The following PCSK9 variants were observed in gnomAD, a reference collection of about 807,000 sequenced individuals.
PCSK9 encodes the protein convertase subtilisin/kexin type 9 preproprotein.
A neutral mutation model predicts 62.1 loss-of-function variants in PCSK9; 57 were observed. The observed-to-expected ratio is 0.92, with a 90% confidence interval of 0.74 to 1.14. PCSK9 has a LOEUF of 1.14. PCSK9 is among the 50% of genes most tolerant of loss of function. The pLI is 0.00. For missense variants in PCSK9, 870 were observed against 959.8 expected (o/e 0.91, Z 1.24); for synonymous variants, 387 against 409.4 (o/e 0.95, Z 0.66).
intron 11 of PCSK9, among the ~76,000 whole-genome samples, chr1:55,062,467 T>C (rs554546729): frequency 4.1e-4 from 62 of 152,336 alleles, no homozygotes; most frequent in African/African-American, 1.4e-3. Context: ...TTCTCCCTCC[T>C]GGAGCATCTA....
At chr1:55,047,393 G>A (rs918536804) in intron 3 of PCSK9, among the ~76,000 whole-genome samples, 8 of 152,286 alleles carry the variant, frequency 5.3e-5, no homozygotes, top group Middle Eastern at 3.4e-3. Flanking sequence ...CAATGTGGTG[G>A]GTCCATGCAA....
chr1:55,055,847 G>T, intron 5 of PCSK9, 146 bp from the exon 6 acceptor site: 1 of 727,612 alleles, frequency 1.4e-6, no homozygotes, highest in Non-Finnish European at 2.2e-6. Flanking sequence ...AAATATTTTC[G>T]CAGCAGCATT....
At chr1:55,050,673 T>G in intron 3 of PCSK9, among the ~76,000 whole-genome samples, 1 of 151,042 alleles carries the variant, frequency 6.6e-6, no homozygotes, top group African/African-American at 2.4e-5. Context: ...GTTCGGACTG[T>G]GCCCAGACCT....
chr1:55,058,468 A>G, intron 8 of PCSK9, 31 bp from the exon 9 acceptor site: 1 of 1,611,664 alleles, frequency 6.2e-7, no homozygotes, highest in Non-Finnish European at 8.5e-7. Context: ...CACTCCCAGC[A>G]CCCCCTCCTC....
In PCSK9 at chr1:55,052,283, G is replaced by T. The variant is rs778157885; in HGVS notation, c.529G>T (p.Gly177Cys). The change falls in exon 4 of 12, where the codon GGC (glycine) becomes TGC (cysteine). Residue 177 changes from glycine (G) to cysteine (C), a missense_variant. Coordinates refer to ENST00000302118, the MANE Select transcript of PCSK9 (RefSeq NM_174936.4). Reference sequence around the variant, plus strand: ...ACAAATGTCGCCTTGGAAAGACGGAGGCAGCCTGGTGGAGGTGTATCTCCT... The same window carrying T: ...ACAAATGTCGCCTTGGAAAGACGGATGCAGCCTGGTGGAGGTGTATCTCCT... The part of the protein sequence containing the change: ...RADEYQPPDG[G>C]SLVEVYLLDT... The T allele has an allele frequency of 1.9e-6, 3 of 1,613,908 alleles. No individual in the cohort carries two copies. The African/African-American group carries it at 4.0e-5, about 22-fold the overall frequency.
rs1395678130 is a variant in PCSK9, at chr1:55,061,451, C to T, written c.1758C>T (p.Asn586=). Reference sequence around the variant, plus strand: ...TGCTGAGGCCACGAGGTCAGCCCAACCAGTGCGTGGGCCACAGGGAGGCCA... The same window carrying T: ...TGCTGAGGCCACGAGGTCAGCCCAATCAGTGCGTGGGCCACAGGGAGGCCA... The part of the protein sequence containing the change: ...PPVLRPRGQP[N]QCVGHREASI... The change falls in exon 11 of 12, where the codon AAC becomes AAT. Residue 586 remains asparagine, a synonymous_variant. Coordinates refer to ENST00000302118, the MANE Select transcript of PCSK9 (RefSeq NM_174936.4). The T allele has an allele frequency of 6.2e-7, 1 of 1,609,064 alleles. No individual in the cohort carries two copies. The highest frequency in any genetic ancestry group is 8.5e-7 in the Non-Finnish European group (1 of 1,178,530).
At chr1:55,050,456 A>G (rs1439391358) in intron 3 of PCSK9, among the ~76,000 whole-genome samples, 1 of 152,222 alleles carries the variant, frequency 6.6e-6, no homozygotes, top group East Asian at 1.9e-4. Context: ...GTAGATGCCT[A>G]TTGATGAGTG....
Position 55,055,999 on chromosome 1 carries a change from A to G in PCSK9, c.806A>G (p.Glu269Gly). The change falls in exon 6 of 12, where the codon GAG becomes GGG. Residue 269 changes from glutamate (E) to glycine (G), a missense_variant. Transcript: ENST00000302118. ...GTVSGTLIGL[E>G]FIRKSQLVQP... ...TTGGCTTTGTTCCTCCCAGGCCTGGAGTTTATTCGGAAAAGCCAGCTGGTC... is the reference window on the plus strand; with the variant it reads ...TTGGCTTTGTTCCTCCCAGGCCTGGGGTTTATTCGGAAAAGCCAGCTGGTC... 1 of 1,609,116 alleles carries G rather than the reference A, an allele frequency of 6.2e-7. No individual in the cohort carries two copies. Among genetic ancestry groups the G allele is most frequent in the Non-Finnish European group, 8.5e-7 (1 of 1,177,320 alleles).
intron 2 of PCSK9, among the ~76,000 whole-genome samples, chr1:55,045,645 G>A (rs1029132352): frequency 1.3e-5 from 2 of 152,008 alleles, no homozygotes; most frequent in Non-Finnish European, 2.9e-5. Context: ...AGGGTTCACC[G>A]CTGCCATGCG....
chr1:55,059,386 G>A, intron 9 of PCSK9, 100 bp from the exon 10 acceptor site: 2 of 1,447,762 alleles, frequency 1.4e-6, no homozygotes, highest in South Asian at 1.2e-5. Context: ...CCCCTGGCAG[G>A]GACACTGATG....
chr1:55,061,509 C>G lies in PCSK9; in HGVS notation c.1816C>G (p.Leu606Val), dbSNP rs1159691514. The part of the protein sequence containing the change: ...IHASCCHAPG[L>V]ECKVKEHGIP... ...CGCTTCCTGCTGCCATGCCCCAGGT[C>G]TGGAATGCAAAGTCAAGGAGCATGG... is the stretch of plus-strand genomic sequence containing the variant. The change falls in exon 11 of 12, where the codon CTG becomes GTG. Residue 606 changes from leucine (L) to valine (V), a missense_variant. Coordinates refer to ENST00000302118, the MANE Select transcript of PCSK9 (RefSeq NM_174936.4). 6.2e-7 allele frequency: 1 copy of G among 1,605,238 alleles called. No individual in the cohort carries two copies. The highest frequency in any genetic ancestry group is 1.1e-5 in the South Asian group (1 of 88,766).
At chr1:55,045,697 C>A (rs1211006742) in intron 2 of PCSK9, among the ~76,000 whole-genome samples, 1 of 142,598 alleles carries the variant, frequency 7.0e-6, no homozygotes, top group African/African-American at 2.8e-5. Flanking sequence ...CAGATGCACA[C>A]CATTTTTTTT....
chr1:55,063,411 A>T lies in PCSK9; in HGVS notation c.1906A>T (p.Ser636Cys). Residue 636 changes from serine to cysteine, a missense_variant, in exon 12 of 12, where the codon AGT (serine) becomes TGT (cysteine). Physicochemically the swap from Ser to Cys is moderately radical, Grantham distance 112. Transcript: ENST00000302118. ...CEEGWTLTGC[S>C]ALPGTSHVLG... ...GGAGGGCTGGACCCTGACTGGCTGC[A>T]GTGCCCTCCCTGGGACCTCCCACGT... The T allele has an allele frequency of 6.2e-7, 1 of 1,613,868 alleles. No homozygotes were observed. The highest frequency in any genetic ancestry group is 8.5e-7 in the Non-Finnish European group (1 of 1,179,936).
In PCSK9 at chr1:55,040,074, G is replaced by A. The variant is rs753695505; in HGVS notation, c.207+30G>A. On this transcript the variant is annotated intron_variant, in intron 1 of 11. Transcript: ENST00000302118. This position sits in a 1 kb window ranked among gnomAD's most constrained non-coding sequence, Gnocchi z 4.1. ...GGGTGTAGGGATGGGAGGCCGGGGC[G>A]AACCCGCAGCCGGGACGGTGCGGTG... The A allele has an allele frequency of 3.9e-6, 6 of 1,547,248 alleles. No individual in the cohort carries two copies. The highest frequency in any genetic ancestry group is 2.2e-4 in the Middle Eastern group (1 of 4,474).
At chr1:55,053,971 G>A (rs905407722) in intron 5 of PCSK9, among the ~76,000 whole-genome samples, 18 of 152,272 alleles carry the variant, frequency 1.2e-4, no homozygotes, top group East Asian at 3.9e-4. Context: ...GACCTGGCAC[G>A]GGGCAGGGGC....
chr1:55,063,513 G>A lies in PCSK9; in HGVS notation c.2008G>A (p.Gly670Arg). The A allele has an allele frequency of 6.2e-7, 1 of 1,613,946 alleles. No individual in the cohort carries two copies. Among genetic ancestry groups the A allele is most frequent in the Non-Finnish European group, 8.5e-7 (1 of 1,179,890 alleles). Residue 670 changes from glycine to arginine, a missense_variant, in exon 12 of 12, where the codon GGG (glycine) becomes AGG (arginine). Physicochemically the swap from Gly to Arg is moderately radical, Grantham distance 125. Coordinates refer to ENST00000302118, the MANE Select transcript of PCSK9 (RefSeq NM_174936.4). ...DVSTTGSTSE[G>R]AVTAVAICCR... Reference sequence around the variant, plus strand: ...CAGCACTACAGGCAGCACCAGCGAAGGGGCCGTGACAGCCGTTGCCATCTG... The same window carrying A: ...CAGCACTACAGGCAGCACCAGCGAAAGGGCCGTGACAGCCGTTGCCATCTG...
At chr1:55,056,410 A>C (rs45598138) in intron 6 of PCSK9, among the ~76,000 whole-genome samples, 10,475 of 152,158 alleles carry the variant, frequency 0.069, 445 homozygotes, top group Middle Eastern at 0.17. Flanking sequence ...GCAGAGTCTG[A>C]ATAGCAGTGG....
rs1644686162 is a variant in PCSK9 at position 55,052,849 on chromosome 1, C to T, written c.799+58C>T. ...CATCTGGACCTGGCCTGGGAGGTGG[C>T]TTGGGCTGGGCCCAGGGAGAGCTAA... On this transcript the variant is annotated intron_variant, in intron 5 of 11. Coordinates refer to ENST00000302118, the MANE Select transcript of PCSK9 (RefSeq NM_174936.4). 1.9e-6 allele frequency: 3 copies of T among 1,611,588 alleles called. No individual in the cohort carries two copies. The East Asian group carries it at 6.7e-5, about 36-fold the overall frequency.
In PCSK9 at chr1:55,040,253, C is replaced by T. The variant is rs11583723; in HGVS notation, c.207+209C>T. Among the ~76,000 whole-genome samples, 14,898 of 152,098 alleles carry T rather than the reference C, an allele frequency of 0.098. 896 individuals carry two copies. The highest frequency in any genetic ancestry group is 0.15 in the South Asian group (722 of 4,814). On this transcript the variant is annotated intron_variant, in intron 1 of 11. Coordinates refer to ENST00000302118, the MANE Select transcript of PCSK9 (RefSeq NM_174936.4). This position sits in a 1 kb window ranked among gnomAD's most constrained non-coding sequence, Gnocchi z 4.1. ...GAGCACGGTGGAGAGCGGGGACGGC[C>T]GGCTCTTTGGGGACTTGCTGGGGCG...
Sources: gnomAD v4.1 joint callset for allele counts (sites outside exome capture counted in the v4.1 genomes callset) on GRCh38, gnomAD v4.1.1 for gene constraint, Gnocchi (gnomAD v3.1) non-coding constraint, MANE v1.5 for transcripts, NCBI Gene and HGNC (gene_info 2026-07-23, HGNC 2026-07-21) for gene names.